The following SPOCK3 variants were observed in gnomAD, a reference collection of about 807,000 sequenced individuals.
SPOCK3 encodes the protein testican-3.
In SPOCK3, 30 loss-of-function variants were observed where a neutral mutation model predicts 56.6. The observed-to-expected ratio is 0.53, with a 90% confidence interval of 0.40 to 0.72. The LOEUF (loss-of-function observed/expected upper bound fraction) is 0.72, where lower values mean the gene tolerates loss of function less well. Among genes scored for constraint, SPOCK3 ranks in the 30% least tolerant of loss-of-function variants. The pLI is 0.00. For missense variants in SPOCK3, 527 were observed against 530.0 expected (o/e 0.99, Z 0.06); for synonymous variants, 196 against 183.3 (o/e 1.07, Z -0.56).
intron 2 of SPOCK3, among the ~76,000 whole-genome samples, chr4:167,194,498 T>G (rs984871165): frequency 2.0e-5 from 3 of 152,206 alleles, no homozygotes; most frequent in African/African-American, 7.2e-5. Context: ...TGTCATTAGT[T>G]TCCTTGTGAT....
chr4:166,900,747 A>G lies in SPOCK3; in HGVS notation c.475-11503T>C, dbSNP rs1735956652. On this transcript the variant is annotated intron_variant, in intron 5 of 10. Transcript: ENST00000357545. Reference sequence around the variant, plus strand: ...TAAAACTTCCCTTGTCCCTCCTAATATACTCTTATGGATAAAATGTTCTTG... The same window carrying G: ...TAAAACTTCCCTTGTCCCTCCTAATGTACTCTTATGGATAAAATGTTCTTG... Among the ~76,000 whole-genome samples the G allele has an allele frequency of 2.6e-5, 4 of 152,234 alleles. No homozygotes were observed. In the South Asian group the frequency reaches 8.3e-4, roughly 32 times the overall value.
intron 4 of SPOCK3, among the ~76,000 whole-genome samples, chr4:166,959,846 C>G (rs965305447): frequency 5.3e-5 from 8 of 151,932 alleles, no homozygotes; most frequent in Non-Finnish European, 1.2e-4. Flanking sequence ...AGGAAATATT[C>G]ACAATAAGTA....
intron 6 of SPOCK3, among the ~76,000 whole-genome samples, chr4:166,836,221 C>G (rs563553058): frequency 6.6e-6 from 1 of 152,158 alleles, no homozygotes; most frequent in African/African-American, 2.4e-5. Flanking sequence ...TTATAGTACC[C>G]CTTCTCAGTC....
At chr4:167,157,661 T>A (rs1308683690) in intron 2 of SPOCK3, among the ~76,000 whole-genome samples, 2 of 151,620 alleles carry the variant, frequency 1.3e-5, no homozygotes, top group Non-Finnish European at 2.9e-5. Flanking sequence ...ACTTTTTTTT[T>A]AACTTTTTAA....
intron 2 of SPOCK3, among the ~76,000 whole-genome samples, chr4:167,069,273 C>T (rs1385643834): frequency 6.6e-6 from 1 of 151,882 alleles, no homozygotes; most frequent in African/African-American, 2.4e-5. Context: ...ATAAGAGAAA[C>T]CCAAGCCACA....
At chr4:167,147,136 C>G (rs1028671950) in intron 2 of SPOCK3, among the ~76,000 whole-genome samples, 1 of 152,160 alleles carries the variant, frequency 6.6e-6, no homozygotes, top group African/African-American at 2.4e-5. Flanking sequence ...GATATCACCA[C>G]TGATTCCACA....
At chr4:166,861,544 C>T (rs1003933113) in intron 6 of SPOCK3, among the ~76,000 whole-genome samples, 9 of 152,028 alleles carry the variant, frequency 5.9e-5, no homozygotes, top group South Asian at 2.1e-4. Context: ...TTGAGCAATA[C>T]GTTTGTTGAA....
chr4:166,940,980 T>C (rs1225295611), intron 4 of SPOCK3, among the ~76,000 whole-genome samples: 2 of 151,448 alleles, frequency 1.3e-5, no homozygotes, highest in African/African-American at 4.9e-5. Flanking sequence ...CTGCACCTAA[T>C]TTTCCAAATA....
Position 166,947,434 on chromosome 4 carries a change from T to C in SPOCK3, c.351-34691A>G, listed in dbSNP as rs551447671. Among the ~76,000 whole-genome samples, 28 of 152,326 alleles carry C rather than the reference T, an allele frequency of 1.8e-4. No individual in the cohort carries two copies. In the South Asian group the frequency reaches 4.1e-3, roughly 23 times the overall value. On this transcript the variant is annotated intron_variant, in intron 4 of 10. Coordinates refer to ENST00000357545, the MANE Select transcript of SPOCK3 (RefSeq NM_001040159.2). ...TTCATTATAACGCTGTGCAGAACTT[T>C]GTTTACTAAAGCATTTTTCCCAATA...
chr4:166,897,736 T>C (rs1735542262), intron 5 of SPOCK3, among the ~76,000 whole-genome samples: 1 of 152,098 alleles, frequency 6.6e-6, no homozygotes, highest in Admixed American at 6.6e-5. Context: ...GTTCTAGTGG[T>C]TTTTGGCAAC....
chr4:166,777,346 C>A (rs192913222), intron 7 of SPOCK3, among the ~76,000 whole-genome samples: 1 of 152,218 alleles, frequency 6.6e-6, no homozygotes, highest in Admixed American at 6.5e-5. Context: ...ATTCTTTGTG[C>A]GAGCATGTAA....
intron 2 of SPOCK3, among the ~76,000 whole-genome samples, chr4:167,113,486 C>G (rs950906474): frequency 6.6e-6 from 1 of 151,928 alleles, no homozygotes; most frequent in Non-Finnish European, 1.5e-5. Context: ...GCTACTCAGC[C>G]TTAAAACACC....
intron 6 of SPOCK3, among the ~76,000 whole-genome samples, chr4:166,799,955 G>C (rs989995915): frequency 2.0e-5 from 3 of 152,018 alleles, no homozygotes; most frequent in African/African-American, 7.2e-5. Context: ...GTCGAGGTGA[G>C]TGGATCACAA....
At chr4:167,198,546 G>A (rs1180034279) in intron 2 of SPOCK3, among the ~76,000 whole-genome samples, 1 of 152,086 alleles carries the variant, frequency 6.6e-6, no homozygotes, top group East Asian at 1.9e-4. Flanking sequence ...GTTGATACAA[G>A]GCCAGTATAT....
intron 4 of SPOCK3, among the ~76,000 whole-genome samples, chr4:166,974,215 C>G (rs982282870): frequency 6.6e-6 from 1 of 151,860 alleles, no homozygotes; most frequent in Non-Finnish European, 1.5e-5. Context: ...TTATTTTTAC[C>G]TCATCATGCA....
intron 4 of SPOCK3, among the ~76,000 whole-genome samples, chr4:166,955,086 A>C (rs1743236338): frequency 6.6e-6 from 1 of 152,176 alleles, no homozygotes; most frequent in Non-Finnish European, 1.5e-5. Flanking sequence ...GGAAACTATT[A>C]AGTGAGATCA....
At chr4:167,179,245 C>A (rs888635165) in intron 2 of SPOCK3, among the ~76,000 whole-genome samples, 1 of 152,120 alleles carries the variant, frequency 6.6e-6, no homozygotes, top group African/African-American at 2.4e-5. Flanking sequence ...TATTGGCCAA[C>A]GTAGAAACTT....
intron 2 of SPOCK3, among the ~76,000 whole-genome samples, chr4:167,128,524 G>T (rs1480703567): frequency 6.6e-6 from 1 of 152,144 alleles, no homozygotes; most frequent in South Asian, 2.1e-4. Context: ...GCATATGGAG[G>T]TGTTCATATA....
chr4:167,022,136 T>C (rs1478847316), intron 3 of SPOCK3, among the ~76,000 whole-genome samples: 2 of 151,894 alleles, frequency 1.3e-5, no homozygotes, highest in African/African-American at 4.8e-5. Context: ...GAATAACTCA[T>C]AAAACTGTGT....
Sources: gnomAD v4.1 joint callset for allele counts (sites outside exome capture counted in the v4.1 genomes callset) on GRCh38, gnomAD v4.1.1 for gene constraint, MANE v1.5 for transcripts, NCBI Gene and HGNC (gene_info 2026-07-23, HGNC 2026-07-21) for gene names.